The following CACNA1I variants were observed in gnomAD, a reference collection of about 807,000 sequenced individuals.
The protein encoded by CACNA1I is voltage-dependent T-type calcium channel subunit alpha-1I.
CACNA1I carries 74 observed loss-of-function variants against 201.6 expected under a neutral mutation model. The observed-to-expected ratio is 0.37, with a 90% confidence interval of 0.30 to 0.45. The LOEUF is 0.45. CACNA1I is among the 20% of genes least tolerant of loss of function. CACNA1I has a pLI of 1.00. For missense variants in CACNA1I, 2,346 were observed against 3,138.1 expected, an observed-to-expected ratio of 0.75 and a Z score of 6.03; for synonymous variants, 1,431 against 1,345.2, an observed-to-expected ratio of 1.06 and a Z score of -1.40.
chr22:39,619,532 G>A, intron 4 of CACNA1I, 125 bp downstream of exon 4: 1 of 706,010 alleles, frequency 1.4e-6, no homozygotes, highest in Non-Finnish European at 2.5e-6. Context: ...GACTGATTAG[G>A]GCCCGGGTGT....
chr22:39,590,461 G>A lies in CACNA1I; in HGVS notation c.237-7690G>A, dbSNP rs569186520. Among the ~76,000 whole-genome samples, 45 of 152,314 alleles carry A rather than the reference G, an allele frequency of 3.0e-4. 1 individual carries two copies. In the Middle Eastern group the frequency reaches 0.01, roughly 35 times the overall value. On this transcript the variant is annotated intron_variant, in intron 1 of 36. Transcript: ENST00000402142. ...GTCCCCAGCAGGGACACAGCCAGACGGGCTGCCGGCTGGGCTCACCACTGA... is the reference window on the plus strand; with the variant it reads ...GTCCCCAGCAGGGACACAGCCAGACAGGCTGCCGGCTGGGCTCACCACTGA...
intron 1 of CACNA1I, among the ~76,000 whole-genome samples, chr22:39,586,701 T>C (rs2037520903): frequency 6.6e-6 from 1 of 152,052 alleles, no homozygotes; most frequent in Non-Finnish European, 1.5e-5. Flanking sequence ...TCCTTGGGAA[T>C]GCACACATGA....
At chr22:39,602,163 C>G (rs893966207) in intron 3 of CACNA1I, among the ~76,000 whole-genome samples, 2 of 144,652 alleles carry the variant, frequency 1.4e-5, no homozygotes, top group African/African-American at 5.2e-5. Context: ...CCTTGACTTC[C>G]TAGGCTCAAA....
intron 3 of CACNA1I, among the ~76,000 whole-genome samples, chr22:39,617,133 T>G (rs1460496061): frequency 2.0e-5 from 3 of 152,198 alleles, no homozygotes; most frequent in Non-Finnish European, 4.4e-5. Flanking sequence ...AAGAGAACAG[T>G]GCCCGGCACC....
rs956902009 is a variant in CACNA1I, at chr22:39,649,490, T to G, written c.1568-11T>G. The G allele has an allele frequency of 7.7e-5, 120 of 1,558,328 alleles. No homozygotes were observed. Among genetic ancestry groups the G allele is most frequent in the Non-Finnish European group, 9.9e-5 (114 of 1,152,150 alleles). On this transcript the variant is annotated splice_polypyrimidine_tract_variant and intron_variant, in intron 9 of 36. Transcript: ENST00000402142. This position sits in a 1 kb window ranked among gnomAD's most constrained non-coding sequence, Gnocchi z 7.3. The stretch of plus-strand genomic sequence containing the variant: ...GGCAACGACTCTATGCCCCTCTCAT[T>G]TGCTTTTCAGAGCTGTGCCCGCAAC...
chr22:39,679,488 G>A (rs189752686), intron 32 of CACNA1I, 43 bp downstream of exon 32: 4 of 1,314,722 alleles, frequency 3.0e-6, no homozygotes, highest in South Asian at 3.2e-5. Flanking sequence ...CAGAGGGGGG[G>A]CACCGCAGGG....
chr22:39,636,585 G>C (rs1338055064), intron 5 of CACNA1I, among the ~76,000 whole-genome samples: 1 of 152,222 alleles, frequency 6.6e-6, no homozygotes, highest in Non-Finnish European at 1.5e-5. Context: ...TCCCAGGCCT[G>C]TGACTCCTGT....
At chr22:39,662,706 T>C (rs1601511354) in intron 17 of CACNA1I, 70 bp from the exon 18 acceptor site, 1 of 1,163,214 alleles carries the variant, frequency 8.6e-7, no homozygotes, top group Non-Finnish European at 1.2e-6. Context: ...GTTGGCGCGA[T>C]GGCCGCATGG....
At chr22:39,613,061 A>G (rs1271410733) in intron 3 of CACNA1I, among the ~76,000 whole-genome samples, 1 of 152,236 alleles carries the variant, frequency 6.6e-6, no homozygotes, top group East Asian at 1.9e-4. Flanking sequence ...CCTTGTGAAG[A>G]TTGAGGAAAC....
rs775800939 is a variant in CACNA1I at position 39,664,750 on chromosome 22, G to T, written c.3678G>T (p.Leu1226=). ...CACCCCCGCCCCAGGTAGTCTCGCT[G>T]GGCCTGTACTTCGGCGAGCAGGCGT... ...VGEMTLKVVS[L]GLYFGEQAYL... is the part of the protein sequence containing the mutation. The change falls in exon 21 of 37, where the codon CTG becomes CTT. Residue 1226 remains leucine, a synonymous_variant. Coordinates refer to ENST00000402142, the MANE Select transcript of CACNA1I (RefSeq NM_021096.4). The T allele has an allele frequency of 3.8e-6, 6 of 1,594,144 alleles. No homozygotes were observed. The South Asian group carries it at 5.6e-5, about 15-fold the overall frequency.
intron 1 of CACNA1I, among the ~76,000 whole-genome samples, chr22:39,572,538 G>A (rs1932218948): frequency 6.6e-6 from 1 of 152,106 alleles, no homozygotes; most frequent in Non-Finnish European, 1.5e-5. Context: ...GCTGGAGTGG[G>A]ATGCAGAACT....
rs1935743553 is a variant in CACNA1I, at chr22:39,682,734, GT to G, written c.5830+79del. On this transcript the variant is annotated intron_variant, in intron 35 of 36. Coordinates refer to ENST00000402142, the MANE Select transcript of CACNA1I (RefSeq NM_021096.4). ...ATCTGCTTCAGAGGGAGATGGCTGA[GT>G]TTTTTCCTTAGTATTTTTACCCAGA... 3.7e-6 allele frequency: 5 copies of G among 1,353,018 alleles called. No individual in the cohort carries two copies. In the East Asian group the frequency reaches 7.4e-5, roughly 20 times the overall value. 83.8% of individuals were successfully genotyped at this position (1,353,018 alleles called of 1,614,324 possible).
chr22:39,599,589 A>G (rs1206497242), intron 2 of CACNA1I, among the ~76,000 whole-genome samples: 1 of 128,092 alleles, frequency 7.8e-6, no homozygotes, highest in East Asian at 2.3e-4. Context: ...ACTGCACTCC[A>G]GCCTGGGCGA....
intron 3 of CACNA1I, among the ~76,000 whole-genome samples, chr22:39,604,855 G>A (rs745556822): frequency 3.6e-4 from 55 of 152,034 alleles, no homozygotes; most frequent in Non-Finnish European, 7.8e-4. Flanking sequence ...TGGGATACAG[G>A]TGTGAGCCAC....
At position 39,664,774 on chromosome 22, in the gene CACNA1I, G is replaced by T; in HGVS notation, c.3702G>T (p.Ala1234=). ...TGGGCCTGTACTTCGGCGAGCAGGC[G>T]TACCTACGCAGCAGCTGGAACGTGC... is the stretch of plus-strand genomic sequence containing the variant. ...VSLGLYFGEQ[A]YLRSSWNVLD... The change falls in exon 21 of 37, where the codon GCG becomes GCT. Residue 1234 remains alanine (A), a synonymous_variant. Transcript: ENST00000402142. 6.2e-7 allele frequency: 1 copy of T among 1,606,106 alleles called. No individual in the cohort carries two copies. The highest frequency in any genetic ancestry group is 2.2e-5 in the East Asian group (1 of 44,458).
At chr22:39,605,759 GT>G (rs1349828439) in intron 3 of CACNA1I, among the ~76,000 whole-genome samples, 1 of 152,134 alleles carries the variant, frequency 6.6e-6, no homozygotes, top group Non-Finnish European at 1.5e-5. Context: ...CAGACCTGGG[GT>G]AGGTAAGAGC....
intron 1 of CACNA1I, among the ~76,000 whole-genome samples, chr22:39,585,383 T>A (rs1932712262): frequency 1.1e-5 from 1 of 90,516 alleles, no homozygotes; most frequent in Non-Finnish European, 2.1e-5. Context: ...TCTTTCTTTC[T>A]TTCTTTTTTT....
Position 39,684,619 on chromosome 22 carries a change from C to A in CACNA1I, c.6027+121C>A. The A allele has an allele frequency of 9.4e-7, 1 of 1,060,860 alleles. No homozygotes were observed. The highest frequency in any genetic ancestry group is 1.4e-6 in the Non-Finnish European group (1 of 722,344). 65.7% of individuals were successfully genotyped at this position (1,060,860 alleles called of 1,614,324 possible). On this transcript the variant is annotated intron_variant, in intron 36 of 36. Transcript: ENST00000402142. The surrounding 1 kb of genome is among the most constrained non-coding windows in gnomAD (Gnocchi z 4.6). ...CCCAACCAAAGGCCGAGGGCACCAC[C>A]GTGCAAGGGGGTTTGGGAACGCTGG...
intron 4 of CACNA1I, among the ~76,000 whole-genome samples, chr22:39,621,156 C>G (rs911162627): frequency 1.3e-5 from 2 of 152,360 alleles, no homozygotes; most frequent in South Asian, 4.1e-4. Flanking sequence ...AGTTAAGTGA[C>G]TCACACAAAG....
Sources: gnomAD v4.1 joint callset for allele counts (sites outside exome capture counted in the v4.1 genomes callset) on GRCh38, gnomAD v4.1.1 for gene constraint, Gnocchi (gnomAD v3.1) non-coding constraint, MANE v1.5 for transcripts, NCBI Gene and HGNC (gene_info 2026-07-23, HGNC 2026-07-21) for gene names.